The following RXRG variants were observed in gnomAD, a reference collection of about 807,000 sequenced individuals.
RXRG encodes retinoic acid receptor RXR-gamma.
RXRG carries 19 observed loss-of-function variants against 49.2 expected under a neutral mutation model. The ratio of observed to expected loss-of-function variants is 0.39; its 90% CI spans 0.27 to 0.57. RXRG has a LOEUF of 0.57. Among genes scored for constraint, RXRG ranks in the 20% least tolerant of loss-of-function variants. RXRG has a pLI of 0.64. For missense variants in RXRG, 452 were observed against 592.5 expected (o/e 0.76, Z 2.46); for synonymous variants, 224 against 216.6 (o/e 1.03, Z -0.30).
intron 3 of RXRG, among the ~76,000 whole-genome samples, chr1:165,419,562 A>C (rs929112968): frequency 6.6e-6 from 1 of 152,102 alleles, no homozygotes; most frequent in Non-Finnish European, 1.5e-5. Context: ...GGTGTGAGCC[A>C]CCACACCCAG....
At chr1:165,416,496 A>G (rs1411581433) in intron 4 of RXRG, among the ~76,000 whole-genome samples, 1 of 152,180 alleles carries the variant, frequency 6.6e-6, no homozygotes, top group Non-Finnish European at 1.5e-5. Flanking sequence ...ATGCCAAAAG[A>G]TGATGGAATA....
chr1:165,444,736 CAT>C, intron 1 of RXRG, 107 bp downstream of exon 1: 1 of 977,768 alleles, frequency 1.0e-6, no homozygotes, highest in African/African-American at 1.6e-5. Context: ...TGCATATAAA[CAT>C]ATATGTTCTC....
At chr1:165,416,897 T>C in intron 4 of RXRG, 144 bp downstream of exon 4, 3 of 751,550 alleles carry the variant, frequency 4.0e-6, no homozygotes, top group Non-Finnish European at 6.4e-6. Flanking sequence ...CAGACTTCTC[T>C]TTAGAGCCCT....
rs67818708 is a variant in RXRG at position 165,427,402 on chromosome 1, A to ATGTTTTGTTT, written c.297+1307_297+1316dup. Among the ~76,000 whole-genome samples the ATGTTTTGTTT allele has an allele frequency of 3.1e-3, 461 of 149,602 alleles. 2 individuals carry two copies. Among genetic ancestry groups the ATGTTTTGTTT allele is most frequent in the East Asian group, 0.023 (115 of 5,002 alleles). On this transcript the variant is annotated intron_variant, in intron 2 of 9. Transcript: ENST00000359842. ...CCCCATCAATGTTGGAATCTGTCAT[A>ATGTTTTGTTT]TGTTTTGTTTTGTTTTGTTTTGTTT...
chr1:165,407,023 G>C (rs1318013533), intron 8 of RXRG, 106 bp from the exon 9 acceptor site: 10 of 730,644 alleles, frequency 1.4e-5, no homozygotes, highest in Non-Finnish European at 2.1e-5. Flanking sequence ...ACCCTGGATG[G>C]GGACAAGTGT....
chr1:165,417,307 G>A (rs1162027287), intron 3 of RXRG, 87 bp from the exon 4 acceptor site: 2 of 1,274,758 alleles, frequency 1.6e-6, no homozygotes, highest in African/African-American at 1.5e-5. Flanking sequence ...TCTTCCCCCA[G>A]AGAAACAGGC....
intron 1 of RXRG, among the ~76,000 whole-genome samples, chr1:165,433,736 A>G (rs1011756342): frequency 6.6e-6 from 1 of 152,222 alleles, no homozygotes; most frequent in African/African-American, 2.4e-5. Flanking sequence ...TTGAAAAGAA[A>G]GAAGTGCAGG....
intron 8 of RXRG, 125 bp downstream of exon 8, chr1:165,408,102 C>T (rs1657816238): frequency 1.3e-6 from 1 of 770,028 alleles, no homozygotes; most frequent in African/African-American, 1.7e-5. Flanking sequence ...TGTGAGCTCT[C>T]CTGGATTCCT....
chr1:165,406,300 T>G (rs942482443), intron 9 of RXRG, among the ~76,000 whole-genome samples: 1 of 152,174 alleles, frequency 6.6e-6, no homozygotes, highest in Admixed American at 6.5e-5. Flanking sequence ...CGTGGCACCC[T>G]GGGGACCAGC....
chr1:165,411,287 C>T (rs576372354), intron 4 of RXRG, among the ~76,000 whole-genome samples, 178 bp from the exon 5 acceptor site: 4 of 152,236 alleles, frequency 2.6e-5, no homozygotes, highest in Non-Finnish European at 5.9e-5. Context: ...TTTGCTTATG[C>T]CTAAGGAGAA....
intron 4 of RXRG, among the ~76,000 whole-genome samples, chr1:165,416,114 C>T (rs1658118770): frequency 6.6e-6 from 1 of 152,130 alleles, no homozygotes; most frequent in Admixed American, 6.5e-5. Context: ...CAGTAAGATG[C>T]CCTCTTCTCA....
chr1:165,406,031 G>A (rs571243238), intron 9 of RXRG, among the ~76,000 whole-genome samples: 38 of 152,300 alleles, frequency 2.5e-4, no homozygotes, highest in Admixed American at 3.3e-4. Context: ...AGGCTTTTCC[G>A]TTTCATTTCC....
At chr1:165,433,082 G>T (rs1658719832) in intron 1 of RXRG, among the ~76,000 whole-genome samples, 1 of 151,954 alleles carries the variant, frequency 6.6e-6, no homozygotes, top group Admixed American at 6.6e-5. Flanking sequence ...CTGCATCAGA[G>T]GATGCACAAT....
chr1:165,420,843 C>A (rs538518191), intron 2 of RXRG, among the ~76,000 whole-genome samples: 2 of 152,198 alleles, frequency 1.3e-5, no homozygotes, highest in East Asian at 1.9e-4. Context: ...ACAATGTCAT[C>A]AAGGAGTCAG....
At chr1:165,434,863 C>A (rs567771846) in intron 1 of RXRG, among the ~76,000 whole-genome samples, 3 of 152,356 alleles carry the variant, frequency 2.0e-5, no homozygotes, top group Admixed American at 6.5e-5. Context: ...GCTCTTAACA[C>A]AGACATGCTG....
At chr1:165,438,099 G>T (rs754095578) in intron 1 of RXRG, among the ~76,000 whole-genome samples, 1 of 152,112 alleles carries the variant, frequency 6.6e-6, no homozygotes, top group Non-Finnish European at 1.5e-5. Flanking sequence ...TGAAATAGAC[G>T]GTGGCCTCCA....
intron 1 of RXRG, among the ~76,000 whole-genome samples, chr1:165,438,924 T>G (rs1658897809): frequency 6.6e-6 from 1 of 152,186 alleles, no homozygotes; most frequent in African/African-American, 2.4e-5. Context: ...ACATATGTTT[T>G]CAAGCAATTT....
Position 165,411,050 on chromosome 1 carries a change from T to C in RXRG, c.682A>G (p.Thr228Ala), listed in dbSNP as rs551212392. 3.1e-6 allele frequency: 5 copies of C among 1,614,160 alleles called. No homozygotes were observed. The Admixed American group carries it at 8.3e-5, about 27-fold the overall frequency. The part of the protein sequence containing the change: ...ERAESEAECA[T>A]SGHEDMPVER... ...ACAGGCATGTCTTCATGACCACTGG[T>C]AGCACATTCTGCCTCACTCTCAGCT... The change falls in exon 5 of 10, where the codon ACC becomes GCC. Residue 228 changes from threonine to alanine, a missense_variant. Around this residue, in one of 2 missense-constraint regions of RXRG, gnomAD observed 286 missense variants for 440.9 expected, o/e 0.65. Transcript: ENST00000359842.
chr1:165,434,302 G>GTGTGTGTA (rs1421410108), intron 1 of RXRG, among the ~76,000 whole-genome samples: 2,531 of 152,080 alleles, frequency 0.017, 32 homozygotes, highest in Admixed American at 0.028. Flanking sequence ...GTGTGTGTGT[G>GTGTGTGTA]TGTGTGTCAG....
Sources: gnomAD v4.1 joint callset for allele counts (sites outside exome capture counted in the v4.1 genomes callset) on GRCh38, gnomAD v4.1.1 for gene constraint, gnomAD v4.1.1 regional missense constraint, MANE v1.5 for transcripts, NCBI Gene and HGNC (gene_info 2026-07-23, HGNC 2026-07-21) for gene names.